Variants in HDLBP observed in about 807,000 individuals in gnomAD.
HDLBP encodes high density lipoprotein binding protein.
HDLBP carries 30 observed loss-of-function variants against 137.3 expected under a neutral mutation model. The observed-to-expected ratio is 0.22, with a 90% CI of 0.16 to 0.30. The LOEUF is 0.30. Among genes scored for constraint, HDLBP ranks in the 10% least tolerant of loss-of-function variants. The pLI is 1.00. For missense variants in HDLBP, 1,119 were observed against 1,667.3 expected (o/e 0.67, Z 5.73); for synonymous variants, 606 against 596.0 (o/e 1.02, Z -0.24).
intron 1 of HDLBP, among the ~76,000 whole-genome samples, chr2:241,291,757 T>C (rs1386448064): frequency 6.6e-6 from 1 of 152,216 alleles, no homozygotes. Context: ...GAATTAAGAA[T>C]CTTGAGATGG....
intron 1 of HDLBP, chr2:241,315,223 G>T (rs2076004279): frequency 6.6e-6 from 1 of 152,144 alleles, no homozygotes. Context: ...CGCCCGACTC[G>T]ATGGTCTGCG....
chr2:241,231,462 C>G (rs1233366104), intron 24 of HDLBP: 1 of 152,298 alleles, frequency 6.6e-6, no homozygotes, highest in Non-Finnish European at 1.5e-5. Context: ...AAACTCTACC[C>G]AAAAGACAGT....
intron 1 of HDLBP, among the ~76,000 whole-genome samples, chr2:241,283,826 T>C (rs2074705300): frequency 6.6e-6 from 1 of 152,140 alleles, no homozygotes; most frequent in Non-Finnish European, 1.5e-5. Context: ...AGGCTGACTC[T>C]CTTGTTAGGG....
At chr2:241,260,207 T>A (rs911782732) in intron 5 of HDLBP, among the ~76,000 whole-genome samples, 1 of 152,038 alleles carries the variant, frequency 6.6e-6, no homozygotes, top group Admixed American at 6.6e-5. Context: ...GGTTTCGCCA[T>A]ACTGGCCAGG....
intron 1 of HDLBP, among the ~76,000 whole-genome samples, chr2:241,278,577 C>T (rs896146769): frequency 4.2e-5 from 6 of 144,144 alleles, no homozygotes; most frequent in Non-Finnish European, 7.7e-5. Context: ...AGCAAGACTC[C>T]ATCTCCAAAA....
At chr2:241,314,871 G>A (rs542800842) in intron 1 of HDLBP, among the ~76,000 whole-genome samples, 2 of 152,298 alleles carry the variant, frequency 1.3e-5, no homozygotes, top group Non-Finnish European at 2.9e-5. Context: ...GGAAACCTAG[G>A]AAGGCTTCCT....
At position 241,245,818 on chromosome 2, in the gene HDLBP, A is replaced by C. The variant is rs369657588; in HGVS notation, c.1950+934T>G. On this transcript the variant is annotated intron_variant, in intron 16 of 27. Coordinates refer to ENST00000310931, the MANE Select transcript of HDLBP (RefSeq NM_005336.6). ...TCATCTCCAAAAAAATTTTAAATAT[A>C]AGGGGGAAAAAAATAACATAGACTT... 1.4e-4 allele frequency among the ~76,000 whole-genome samples: 21 copies of C among 152,294 alleles called. 1 individual carries two copies. The East Asian group carries it at 3.3e-3, about 24-fold the overall frequency.
At chr2:241,237,178 G>C (rs564389473) in intron 20 of HDLBP, among the ~76,000 whole-genome samples, 78 of 152,338 alleles carry the variant, frequency 5.1e-4, no homozygotes, top group African/African-American at 1.9e-3. Context: ...GGGCTCATCA[G>C]GGAAGGCGGC....
Position 241,230,310 on chromosome 2 carries a change from G to C in HDLBP, c.3475-41C>G, listed in dbSNP as rs778316785. 24 of 1,170,226 alleles carry C rather than the reference G, an allele frequency of 2.1e-5. No homozygotes were observed. The South Asian group carries it at 3.1e-4, about 15-fold the overall frequency. 72.5% of individuals were successfully genotyped at this position (1,170,226 alleles called of 1,614,324 possible). A position where few individuals can be genotyped will look rare whatever the true frequency, so the allele number is the denominator to read the frequency against. On this transcript the variant is annotated intron_variant, in intron 25 of 27. Transcript: ENST00000310931. This position sits in a 1 kb window ranked among gnomAD's most constrained non-coding sequence, Gnocchi z 5.0. ...AACGTCAGATGAGGGGACTCCAAGC[G>C]AGGAAAAGGGTTAAAATTATGTGTC...
chr2:241,253,727 G>T (rs2072390186), intron 9 of HDLBP, among the ~76,000 whole-genome samples: 1 of 152,148 alleles, frequency 6.6e-6, no homozygotes, highest in African/African-American at 2.4e-5. Flanking sequence ...TCTCACTAAG[G>T]ACACCGTTTG....
chr2:241,308,264 C>G (rs2075644775), intron 1 of HDLBP, among the ~76,000 whole-genome samples: 1 of 152,196 alleles, frequency 6.6e-6, no homozygotes, highest in South Asian at 2.1e-4. Context: ...CCGTCGTCCA[C>G]CTTTCTACCA....
chr2:241,311,886 A>G (rs1320459483), intron 1 of HDLBP, among the ~76,000 whole-genome samples: 1 of 152,226 alleles, frequency 6.6e-6, no homozygotes, highest in Non-Finnish European at 1.5e-5. Context: ...AGAGGGTGAA[A>G]GAAAGCTAGG....
In HDLBP at chr2:241,228,508, C is replaced by T. The variant is rs2069346730; in HGVS notation, c.*1093G>A. 6.6e-6 allele frequency: 1 copy of T among 152,414 alleles called. No individual in the cohort carries two copies. Among genetic ancestry groups the T allele is most frequent in the African/African-American group, 2.4e-5 (1 of 41,462 alleles). The allele number at this position is 152,414 out of a possible 1,614,324, so 9.4% of individuals were successfully genotyped here. A position where few individuals can be genotyped will look rare whatever the true frequency, so the allele number is the denominator to read the frequency against. ...GGCGGGGTGGAAGTGCCCACTCCCA[C>T]TCCAGATGGGCCTGCTGGCCACTGA... is the stretch of plus-strand genomic sequence containing the variant. On this transcript the variant is annotated 3_prime_UTR_variant, in exon 28 of 28. Coordinates refer to ENST00000310931, the MANE Select transcript of HDLBP (RefSeq NM_005336.6).
intron 1 of HDLBP, among the ~76,000 whole-genome samples, chr2:241,271,688 G>GC (rs1239933286): frequency 6.6e-6 from 1 of 152,170 alleles, no homozygotes; most frequent in Non-Finnish European, 1.5e-5. Flanking sequence ...AATGAGACCC[G>GC]CAAGTGCTTT....
At chr2:241,245,908 G>GA (rs1255489843) in intron 16 of HDLBP, among the ~76,000 whole-genome samples, 1 of 152,200 alleles carries the variant, frequency 6.6e-6, no homozygotes, top group Non-Finnish European at 1.5e-5. Context: ...CATATACTGT[G>GA]AAAGAGAGGT....
At position 241,229,210 on chromosome 2, in the gene HDLBP, C is replaced by T. The variant is rs1045691577; in HGVS notation, c.*391G>A. The T allele has an allele frequency of 9.2e-6, 2 of 217,068 alleles. No homozygotes were observed. Among genetic ancestry groups the T allele is most frequent in the Non-Finnish European group, 1.9e-5 (2 of 106,128 alleles). 13.4% of individuals were successfully genotyped at this position (217,068 alleles called of 1,614,324 possible). ...GGAGGTGGGAAAGGAAGAGGGCAAA[C>T]GTTTGGCTTTTATAAAGTCAAGGAC... On this transcript the variant is annotated 3_prime_UTR_variant, in exon 28 of 28. Coordinates refer to ENST00000310931, the MANE Select transcript of HDLBP (RefSeq NM_005336.6).
At chr2:241,276,028 T>C (rs1264984862) in intron 1 of HDLBP, among the ~76,000 whole-genome samples, 1 of 152,064 alleles carries the variant, frequency 6.6e-6, no homozygotes, top group Non-Finnish European at 1.5e-5. Context: ...CAATAAAATT[T>C]GAAGGGAATT....
At position 241,285,132 on chromosome 2, in the gene HDLBP, T is replaced by C. The variant is rs552833098; in HGVS notation, c.-102-16591A>G. Among the ~76,000 whole-genome samples, 10 of 152,384 alleles carry C rather than the reference T, an allele frequency of 6.6e-5. No individual in the cohort carries two copies. In the South Asian group the frequency reaches 2.1e-3, roughly 32 times the overall value. ...CTGACCTCAGGTGATCCACCCACCT[T>C]GGCCTCCCAATGTGCTGGATTACAG... On this transcript the variant is annotated intron_variant, in intron 1 of 27. Coordinates refer to ENST00000310931, the MANE Select transcript of HDLBP (RefSeq NM_005336.6).
rs558154956 is a variant in HDLBP, at chr2:241,260,456, C to G, written c.450+2255G>C. Among the ~76,000 whole-genome samples, 7 of 152,298 alleles carry G rather than the reference C, an allele frequency of 4.6e-5. No homozygotes were observed. The South Asian group carries it at 1.0e-3, about 23-fold the overall frequency. On this transcript the variant is annotated intron_variant, in intron 5 of 27. Coordinates refer to ENST00000310931, the MANE Select transcript of HDLBP (RefSeq NM_005336.6). Reference sequence around the variant, plus strand: ...AATGACACTAAAGAGAGTCACTGATCAACACTGAAGTCGCCGGAGCGCCAA... The same window carrying G: ...AATGACACTAAAGAGAGTCACTGATGAACACTGAAGTCGCCGGAGCGCCAA...
Sources: gnomAD v4.1 joint callset for allele counts (sites outside exome capture counted in the v4.1 genomes callset) on GRCh38, gnomAD v4.1.1 for gene constraint, Gnocchi (gnomAD v3.1) non-coding constraint, MANE v1.5 for transcripts, NCBI Gene and HGNC (gene_info 2026-07-23, HGNC 2026-07-21) for gene names.